RBM19: variants seen among roughly 807,000 people sequenced by gnomAD.
RBM19 encodes probable RNA-binding protein 19.
RBM19 carries 94 observed loss-of-function variants against 116.8 expected under a neutral mutation model. The ratio of observed to expected loss-of-function variants is 0.80; its 90% CI spans 0.68 to 0.95. The LOEUF (loss-of-function observed/expected upper bound fraction) is 0.95, where lower values mean the gene tolerates loss of function less well. Among genes scored for constraint, RBM19 ranks in the 40% least tolerant of loss-of-function variants. The pLI, the probability that RBM19 is intolerant of heterozygous loss-of-function variation, is 0.00. For synonymous variants in RBM19, 475 were observed against 494.1 expected (o/e 0.96, Z 0.51); for missense variants, 1,161 against 1,220.7 (o/e 0.95, Z 0.73).
rs7311200 is a variant in RBM19, at chr12:113,918,142, G to A, written c.2441+250C>T. Among the ~76,000 whole-genome samples the A allele has an allele frequency of 6.3e-3, 934 of 147,466 alleles. 12 individuals are homozygous for A. Among genetic ancestry groups the A allele is most frequent in the African/African-American group, 0.02 (812 of 39,828 alleles). On this transcript the variant is annotated intron_variant, in intron 20 of 23. Transcript: ENST00000261741. ...TTCCTTTTCTTATTAAAAAAAAAAAGAAAAAAAAAAGCCCCTGTGCATTAA... is the reference window on the plus strand; with the variant it reads ...TTCCTTTTCTTATTAAAAAAAAAAAAAAAAAAAAAAGCCCCTGTGCATTAA...
At chr12:113,902,598 CA>C (rs60289889) in intron 21 of RBM19, among the ~76,000 whole-genome samples, 5,894 of 114,808 alleles carry the variant, frequency 0.051, 260 homozygotes, top group Admixed American at 0.17. Context: ...GACCCAGTCT[CA>C]AAAAAAAAAA....
chr12:113,927,613 A>AC (rs1869222498), intron 16 of RBM19, among the ~76,000 whole-genome samples: 2 of 152,058 alleles, frequency 1.3e-5, no homozygotes, highest in African/African-American at 2.4e-5. Context: ...AACAAAAAAA[A>AC]AAAAACCAGC....
chr12:113,890,799 T>C (rs1470979884), intron 21 of RBM19, among the ~76,000 whole-genome samples: 2 of 152,194 alleles, frequency 1.3e-5, no homozygotes, highest in Non-Finnish European at 2.9e-5. Context: ...GGAATATATA[T>C]AATTTTTGAG....
intron 21 of RBM19, among the ~76,000 whole-genome samples, chr12:113,901,207 C>T (rs1243407208): frequency 6.6e-6 from 1 of 152,122 alleles, no homozygotes; most frequent in Non-Finnish European, 1.5e-5. Context: ...CTTTTGATTT[C>T]CCTAGGTACA....
intron 17 of RBM19, among the ~76,000 whole-genome samples, chr12:113,925,285 T>C (rs1270919339): frequency 6.6e-6 from 1 of 152,064 alleles, no homozygotes; most frequent in Non-Finnish European, 1.5e-5. Flanking sequence ...CAATAAACAT[T>C]CACTAAATGA....
chr12:113,853,896 A>G (rs370088093), intron 22 of RBM19, among the ~76,000 whole-genome samples: 4 of 151,662 alleles, frequency 2.6e-5, no homozygotes, highest in East Asian at 3.9e-4. Context: ...TTAAGGGACA[A>G]CCTCTTGGCC....
chr12:113,828,099 CAAAA>C lies in RBM19; in HGVS notation c.2786-4782_2786-4779del, dbSNP rs34234377. ...GCAACAGCAGCTCTCGACTCTGTCT[CAAAA>C]AAAAAAAAAAAAAAAAAAGTGACCA... On this transcript the variant is annotated intron_variant, in intron 23 of 23. Transcript: ENST00000261741. Among the ~76,000 whole-genome samples the C allele has an allele frequency of 5.9e-5, 4 of 67,320 alleles. No homozygotes were observed. In the East Asian group the frequency reaches 1.6e-3, roughly 27 times the overall value. 44.2% of individuals were successfully genotyped at this position (67,320 alleles called of 152,430 possible). A position where few individuals can be genotyped will look rare whatever the true frequency, so the allele number is the denominator to read the frequency against.
rs185775862 is a variant in RBM19, at chr12:113,891,953, G to T, written c.2558+23016C>A. The stretch of plus-strand genomic sequence containing the variant: ...CCGTCGTGTGTCGGGTAAACACTGA[G>T]ATCATTCTGCTTGTATGTGACAACG... On this transcript the variant is annotated intron_variant, in intron 21 of 23. Coordinates refer to ENST00000261741, the MANE Select transcript of RBM19 (RefSeq NM_016196.4). 6.6e-5 allele frequency among the ~76,000 whole-genome samples: 10 copies of T among 152,268 alleles called. No individual in the cohort carries two copies. The East Asian group carries it at 1.9e-3, about 29-fold the overall frequency.
chr12:113,961,214 C>T (rs1199609026), intron 2 of RBM19, among the ~76,000 whole-genome samples: 3 of 151,936 alleles, frequency 2.0e-5, no homozygotes, highest in Middle Eastern at 3.2e-3. Context: ...TTTGTAAAGA[C>T]GCAGTCTTGC....
At chr12:113,854,066 A>G (rs1877686464) in intron 22 of RBM19, among the ~76,000 whole-genome samples, 1 of 152,054 alleles carries the variant, frequency 6.6e-6, no homozygotes, top group Non-Finnish European at 1.5e-5. Flanking sequence ...GGGAGGAGGA[A>G]TCCCTGAATG....
chr12:113,959,106 G>A (rs1039000898), intron 5 of RBM19, 106 bp downstream of exon 5: 2 of 1,260,496 alleles, frequency 1.6e-6, no homozygotes, highest in Non-Finnish European at 1.1e-6. Flanking sequence ...AGAGCTCAAG[G>A]GCTCACCTGA....
intron 23 of RBM19, among the ~76,000 whole-genome samples, chr12:113,844,022 G>T (rs759906): frequency 0.11 from 16,653 of 152,288 alleles, 1,192 homozygotes; most frequent in East Asian, 0.23. Flanking sequence ...ATGTGTCCCA[G>T]CCTCTTCCAC....
At chr12:113,966,127 C>A in intron 1 of RBM19, 65 bp downstream of exon 1, 1 of 1,607,696 alleles carries the variant, frequency 6.2e-7, no homozygotes. Context: ...CCAGGCATCT[C>A]TTCCCTACCT....
At chr12:113,818,787 C>G (rs1045124344), downstream of RBM19, among the ~76,000 whole-genome samples, 1 of 152,214 alleles carries the variant, frequency 6.6e-6, no homozygotes, top group Non-Finnish European at 1.5e-5. Flanking sequence ...CGCTCTCCTC[C>G]TCCCGTCCCC....
At chr12:113,951,543 ACACACACT>A (rs1231765363) in intron 8 of RBM19, among the ~76,000 whole-genome samples, 5 of 151,088 alleles carry the variant, frequency 3.3e-5, no homozygotes, top group African/African-American at 1.2e-4. Context: ...ACACAAACAC[ACACACACT>A]CACACACACA....
chr12:113,960,006 A>T (rs1486514489), intron 3 of RBM19, 53 bp downstream of exon 3: 2 of 1,613,878 alleles, frequency 1.2e-6, no homozygotes, highest in Non-Finnish European at 8.5e-7. Context: ...ACCAAAAGTG[A>T]GTGACTACCC....
chr12:113,869,423 G>A (rs1415718802), intron 21 of RBM19, among the ~76,000 whole-genome samples: 4 of 152,200 alleles, frequency 2.6e-5, no homozygotes, highest in South Asian at 4.1e-4. Flanking sequence ...AGGAGAGGAT[G>A]GAGGCACGAT....
intron 21 of RBM19, among the ~76,000 whole-genome samples, chr12:113,864,799 T>C (rs997759680): frequency 6.6e-6 from 1 of 152,214 alleles, no homozygotes; most frequent in Non-Finnish European, 1.5e-5. Flanking sequence ...GCCTGTCTCA[T>C]CCAACTCTCT....
intron 20 of RBM19, among the ~76,000 whole-genome samples, chr12:113,917,864 TC>T (rs1226955604): frequency 6.6e-6 from 1 of 152,140 alleles, no homozygotes; most frequent in African/African-American, 2.4e-5. Context: ...CTCCAAACAA[TC>T]CCCCTACTTC....
Sources: allele counts gnomAD v4.1 joint callset (sites outside exome capture counted in the v4.1 genomes callset), GRCh38; gene constraint gnomAD v4.1.1; transcripts MANE v1.5; gene names NCBI Gene and HGNC (gene_info 2026-07-23, HGNC 2026-07-21).